The following IKZF5 variants were observed in gnomAD, a reference collection of about 807,000 sequenced individuals.
The protein encoded by IKZF5 is IKAROS family zinc finger 5.
In IKZF5, 4 loss-of-function variants were observed where a neutral mutation model predicts 30.7. The ratio of observed to expected loss-of-function variants is 0.13; its 90% confidence interval spans 0.06 to 0.30. The LOEUF is 0.30. Among genes scored for constraint, IKZF5 ranks in the 10% least tolerant of loss-of-function variants. The pLI is 1.00. For missense variants in IKZF5, 348 were observed against 525.5 expected (o/e 0.66, Z 3.30); for synonymous variants, 148 against 179.6 (o/e 0.82, Z 1.41).
At chr10:122,996,213 C>T (rs757970098) in intron 3 of IKZF5, 37 bp from the exon 4 acceptor site, 1 of 1,546,278 alleles carries the variant, frequency 6.5e-7, no homozygotes, top group Admixed American at 1.7e-5. Flanking sequence ...TTATGCATCT[C>T]AGAATCAACT....
At chr10:123,000,412 A>G (rs192050132) in intron 2 of IKZF5, among the ~76,000 whole-genome samples, 2 of 152,316 alleles carry the variant, frequency 1.3e-5, no homozygotes, top group East Asian at 1.9e-4. Flanking sequence ...AGTTTGCTCA[A>G]ATTTACTGCT....
At chr10:122,997,159 C>T (rs1031402990) in intron 3 of IKZF5, 3 of 152,146 alleles carry the variant, frequency 2.0e-5, no homozygotes, top group Non-Finnish European at 4.4e-5. Context: ...TCAGGAAAAT[C>T]GGCAAATGGC....
Position 122,994,775 on chromosome 10 carries a change from A to C in IKZF5, c.317-52T>G, listed in dbSNP as rs765266265. The C allele has an allele frequency of 2.8e-6, 4 of 1,451,530 alleles. No individual in the cohort carries two copies. Among genetic ancestry groups the C allele is most frequent in the Non-Finnish European group, 3.7e-6 (4 of 1,074,200 alleles). The allele number at this position is 1,451,530 out of a possible 1,614,324, so 89.9% of individuals were successfully genotyped here. Reference sequence around the variant, plus strand: ...AACTACAAGAGTAGTTCATTTATGGAAAGTTTTGCTTGTCCATTCATTGGA... The same window carrying C: ...AACTACAAGAGTAGTTCATTTATGGCAAGTTTTGCTTGTCCATTCATTGGA... On this transcript the variant is annotated intron_variant, in intron 4 of 4. Transcript: ENST00000368886. This position sits in a 1 kb window ranked among gnomAD's most constrained non-coding sequence, Gnocchi z 5.6.
At chr10:122,998,422 A>G (rs1353717963) in intron 3 of IKZF5, 71 bp downstream of exon 3, 2 of 1,313,844 alleles carry the variant, frequency 1.5e-6, no homozygotes, top group East Asian at 4.7e-5. Context: ...TGGTCTTCAC[A>G]GTAACAGCTA....
In IKZF5 at chr10:122,994,457, C is replaced by T. The variant is rs1849289227; in HGVS notation, c.583G>A (p.Ala195Thr). ...GAAGGTGGACTTAAGTTGATTAGTG[C>T]TCTTCTGCTATAGCCCAGATTGCTT... ...KTSNLGYSRR[A>T]LINLSPPSMV... Residue 195 changes from alanine (A) to threonine (T), a missense_variant, in exon 5 of 5, where the codon GCA (alanine) becomes ACA (threonine). Around this residue, in one of 4 missense-constraint regions of IKZF5, gnomAD observed 176 missense variants for 198.2 expected, o/e 0.89. Coordinates refer to ENST00000368886, the MANE Select transcript of IKZF5 (RefSeq NM_001372123.1). This position sits in a 1 kb window ranked among gnomAD's most constrained non-coding sequence, Gnocchi z 5.6. 1 of 1,614,122 alleles carries T rather than the reference C, an allele frequency of 6.2e-7. No individual in the cohort carries two copies. Among genetic ancestry groups the T allele is most frequent in the Non-Finnish European group, 8.5e-7 (1 of 1,180,008 alleles).
rs760813788 is a variant in IKZF5 at position 122,994,726 on chromosome 10, G to A, written c.317-3C>T. ...ATGACATCGATGAGGTTTTTCACCTGTTTCAAAAGAAAAATGATGGAGAAA... is the reference window on the plus strand; with the variant it reads ...ATGACATCGATGAGGTTTTTCACCTATTTCAAAAGAAAAATGATGGAGAAA... On this transcript the variant is annotated splice_region_variant and splice_polypyrimidine_tract_variant and intron_variant, in intron 4 of 4. Transcript: ENST00000368886. The surrounding 1 kb of genome is among the most constrained non-coding windows in gnomAD (Gnocchi z 5.6). 16 of 1,574,040 alleles carry A rather than the reference G, an allele frequency of 1.0e-5. No individual in the cohort carries two copies. The highest frequency in any genetic ancestry group is 1.3e-5 in the Non-Finnish European group (15 of 1,162,492).
At chr10:123,003,935 A>T (rs1164170745) in intron 2 of IKZF5, among the ~76,000 whole-genome samples, 1 of 152,200 alleles carries the variant, frequency 6.6e-6, no homozygotes, top group Non-Finnish European at 1.5e-5. Context: ...TCTGAATCTT[A>T]AGGATTATTG....
chr10:122,996,121 C>T lies in IKZF5; in HGVS notation c.189G>A (p.Leu63=). ...GLDHPSVEVS[L]DENSGMLVDG... is the part of the protein sequence containing the mutation. ...CTACTAACATTCCTGAGTTTTCATC[C>T]AAGGAAACTTCAACAGATGGGTGAT... Residue 63 remains leucine (L), a synonymous_variant, in exon 4 of 5, where the codon TTG becomes TTA. Coordinates refer to ENST00000368886, the MANE Select transcript of IKZF5 (RefSeq NM_001372123.1). 6 of 1,614,020 alleles carry T rather than the reference C, an allele frequency of 3.7e-6. No homozygotes were observed. Among genetic ancestry groups the T allele is most frequent in the Non-Finnish European group, 5.1e-6 (6 of 1,179,960 alleles).
chr10:122,995,038 CATA>C (rs1395495354), intron 4 of IKZF5: 5 of 254,974 alleles, frequency 2.0e-5, no homozygotes, highest in East Asian at 8.3e-5. Context: ...AATAGTCTTA[CATA>C]ATAATGAGTT....
intron 3 of IKZF5, 116 bp from the exon 4 acceptor site, chr10:122,996,292 T>G: frequency 1.2e-6 from 1 of 821,670 alleles, no homozygotes; most frequent in South Asian, 1.7e-5. Flanking sequence ...TCACAAAAGT[T>G]AAGTCCATTT....
intron 3 of IKZF5, 124 bp downstream of exon 3, chr10:122,998,369 G>A (rs1215854049): frequency 1.3e-6 from 1 of 794,000 alleles, no homozygotes; most frequent in East Asian, 2.7e-5. Context: ...AAAATGCCCT[G>A]TATCTTTCTA....
chr10:123,003,327 TA>T (rs1443487413), intron 2 of IKZF5, among the ~76,000 whole-genome samples: 60 of 152,034 alleles, frequency 3.9e-4, no homozygotes, highest in Admixed American at 3.9e-3. Flanking sequence ...ATAAATAATC[TA>T]GAGCTTAAAG....
At chr10:123,005,886 C>T (rs1454502365) in intron 2 of IKZF5, among the ~76,000 whole-genome samples, 9 of 152,208 alleles carry the variant, frequency 5.9e-5, no homozygotes, top group Admixed American at 5.9e-4. Flanking sequence ...TAATTCGTTA[C>T]AGCAACCTGA....
At chr10:122,995,726 G>C (rs1849343879) in intron 4 of IKZF5, among the ~76,000 whole-genome samples, 1 of 152,128 alleles carries the variant, frequency 6.6e-6, no homozygotes, top group African/African-American at 2.4e-5. Flanking sequence ...TTCCCAATCT[G>C]AGAGGCAGGC....
intron 2 of IKZF5, among the ~76,000 whole-genome samples, chr10:123,003,505 T>A (rs1462949713): frequency 6.6e-6 from 1 of 152,192 alleles, no homozygotes; most frequent in African/African-American, 2.4e-5. Context: ...TCAGCCTTAG[T>A]TTCCTATTTT....
chr10:122,998,838 CA>C (rs1339996073), intron 2 of IKZF5, among the ~76,000 whole-genome samples, 167 bp from the exon 3 acceptor site: 4 of 151,836 alleles, frequency 2.6e-5, no homozygotes, highest in African/African-American at 9.7e-5. Context: ...GGTAAAAAAT[CA>C]ATATATTTAA....
In IKZF5 at chr10:122,991,012, G is replaced by C. The variant is rs1263246462; in HGVS notation, c.*2768C>G. ...CACATGTTAACAAAAACAAGTTCTA[G>C]AAAGCATATACCCTCTAAGACTAAT... On this transcript the variant is annotated 3_prime_UTR_variant, in exon 5 of 5. Coordinates refer to ENST00000368886, the MANE Select transcript of IKZF5 (RefSeq NM_001372123.1). 3.3e-5 allele frequency: 5 copies of C among 151,808 alleles called. No homozygotes were observed. In the East Asian group the frequency reaches 7.7e-4, roughly 23 times the overall value. The allele number at this position is 151,808 out of a possible 1,614,324, so 9.4% of individuals were successfully genotyped here.
intron 3 of IKZF5, among the ~76,000 whole-genome samples, chr10:122,997,987 A>C (rs562139029): frequency 6.6e-6 from 1 of 152,312 alleles, no homozygotes; most frequent in South Asian, 2.1e-4. Flanking sequence ...AATAAATTCC[A>C]GTTTTTTGTG....
intron 3 of IKZF5, chr10:122,996,979 T>C (rs1056537662): frequency 2.0e-5 from 3 of 152,244 alleles, no homozygotes; most frequent in Non-Finnish European, 4.4e-5. Flanking sequence ...CTCTGTTCCA[T>C]TTAGGATCTT....
Sources: gnomAD v4.1 joint callset for allele counts (sites outside exome capture counted in the v4.1 genomes callset) on GRCh38, gnomAD v4.1.1 for gene constraint, gnomAD v4.1.1 regional missense constraint, Gnocchi (gnomAD v3.1) non-coding constraint, MANE v1.5 for transcripts, NCBI Gene and HGNC (gene_info 2026-07-23, HGNC 2026-07-21) for gene names.